The following UBE2E2 variants were observed in gnomAD, a reference collection of about 807,000 sequenced individuals.
UBE2E2 encodes the protein ubiquitin conjugating enzyme E2 E2.
UBE2E2 carries 6 observed loss-of-function variants against 24.7 expected under a neutral mutation model. That is an observed-to-expected ratio of 0.24 (90% CI 0.13 to 0.48). The LOEUF (loss-of-function observed/expected upper bound fraction) is 0.48, where lower values mean the gene tolerates loss of function less well. UBE2E2 is among the 20% of genes least tolerant of loss of function. The pLI, the probability that UBE2E2 is intolerant of heterozygous loss-of-function variation, is 0.99. For synonymous variants in UBE2E2, 104 were observed against 83.6 expected (o/e 1.24, Z -1.33); for missense variants, 169 against 245.0 (o/e 0.69, Z 2.07).
At chr3:23,326,064 T>G (rs1694882800) in intron 3 of UBE2E2, among the ~76,000 whole-genome samples, 1 of 152,184 alleles carries the variant, frequency 6.6e-6, no homozygotes. Flanking sequence ...TGCTTTGTAA[T>G]CTTTTATTTT....
chr3:23,302,299 C>T (rs1442221498), intron 3 of UBE2E2, among the ~76,000 whole-genome samples: 1 of 152,210 alleles, frequency 6.6e-6, no homozygotes, highest in Admixed American at 6.5e-5. Context: ...TAATATTTCC[C>T]TTACCCTATC....
intron 2 of UBE2E2, among the ~76,000 whole-genome samples, chr3:23,210,408 C>CT (rs1241489974): frequency 6.6e-6 from 1 of 152,206 alleles, no homozygotes; most frequent in Non-Finnish European, 1.5e-5. Flanking sequence ...GCCTTTTCCT[C>CT]TAACTGGGAG....
intron 2 of UBE2E2, among the ~76,000 whole-genome samples, chr3:23,216,580 A>G (rs1265218675): frequency 2.6e-5 from 4 of 152,136 alleles, no homozygotes; most frequent in African/African-American, 9.7e-5. Flanking sequence ...GTCTTAGAAA[A>G]CAGTGGCGCA....
At chr3:23,535,611 G>A (rs1417661814) in intron 5 of UBE2E2, among the ~76,000 whole-genome samples, 2 of 143,768 alleles carry the variant, frequency 1.4e-5, no homozygotes, top group East Asian at 4.3e-4. Flanking sequence ...GAGCCTGATA[G>A]AGCATTCTTT....
At chr3:23,565,762 C>A (rs1225950440) in intron 5 of UBE2E2, among the ~76,000 whole-genome samples, 2 of 152,164 alleles carry the variant, frequency 1.3e-5, no homozygotes, top group Non-Finnish European at 2.9e-5. Context: ...GGGCAAGATG[C>A]TTCTGCCTAA....
intron 3 of UBE2E2, among the ~76,000 whole-genome samples, chr3:23,266,064 G>T (rs1249983856): frequency 6.6e-6 from 1 of 152,178 alleles, no homozygotes; most frequent in Non-Finnish European, 1.5e-5. Context: ...TGGGTTCCCT[G>T]AATACAGCAC....
intron 2 of UBE2E2, among the ~76,000 whole-genome samples, chr3:23,211,222 A>T (rs1033970595): frequency 2.6e-5 from 4 of 152,138 alleles, no homozygotes; most frequent in East Asian, 3.9e-4. Flanking sequence ...TAAAAGTTAG[A>T]GGTAGTTTCA....
At chr3:23,392,758 C>T (rs779505291) in intron 3 of UBE2E2, among the ~76,000 whole-genome samples, 2 of 151,992 alleles carry the variant, frequency 1.3e-5, no homozygotes, top group Non-Finnish European at 2.9e-5. Context: ...AAAAACTGCA[C>T]GTTAAGAGGT....
Position 23,518,406 on chromosome 3 carries a change from A to G in UBE2E2, c.361-14148A>G, listed in dbSNP as rs75323920. 7.6e-3 allele frequency among the ~76,000 whole-genome samples: 1,165 copies of G among 152,338 alleles called. 11 individuals are homozygous for G. Among genetic ancestry groups the G allele is most frequent in the African/African-American group, 0.02 (851 of 41,578 alleles). ...AATTTAAGATATTCCTCATAATACT[A>G]CATATTCCTTCAGTAAGACTAAAAA... On this transcript the variant is annotated intron_variant, in intron 4 of 5. Transcript: ENST00000396703.
chr3:23,363,792 G>A (rs1382511934), intron 3 of UBE2E2, among the ~76,000 whole-genome samples: 5 of 151,818 alleles, frequency 3.3e-5, no homozygotes, highest in Non-Finnish European at 5.9e-5. Flanking sequence ...TTGACCAAAC[G>A]GGCCTAGTAG....
intron 3 of UBE2E2, among the ~76,000 whole-genome samples, chr3:23,218,624 GATAA>G (rs1396851665): frequency 4.6e-5 from 7 of 151,870 alleles, no homozygotes; most frequent in Admixed American, 3.3e-4. Context: ...CAATTGAACT[GATAA>G]ATAAGTGAAC....
chr3:23,323,491 C>G, intron 3 of UBE2E2: 1 of 436,472 alleles, frequency 2.3e-6, no homozygotes, highest in Non-Finnish European at 4.6e-6. Context: ...ATTCAAAACA[C>G]TTTGTAATTC....
intron 5 of UBE2E2, among the ~76,000 whole-genome samples, chr3:23,581,009 G>A (rs1252028766): frequency 6.6e-6 from 1 of 152,104 alleles, no homozygotes; most frequent in Non-Finnish European, 1.5e-5. Context: ...TTTTGCATAT[G>A]GCAAAGGGCT....
chr3:23,542,659 T>C (rs1559416397), intron 5 of UBE2E2, among the ~76,000 whole-genome samples: 1 of 152,222 alleles, frequency 6.6e-6, no homozygotes, highest in Non-Finnish European at 1.5e-5. Flanking sequence ...AATTGATGTA[T>C]CTTTATTATT....
intron 3 of UBE2E2, among the ~76,000 whole-genome samples, chr3:23,351,107 C>T (rs1396239501): frequency 6.6e-6 from 1 of 152,202 alleles, no homozygotes; most frequent in Non-Finnish European, 1.5e-5. Context: ...AATGAATTTT[C>T]AGCCCATAAT....
At chr3:23,330,067 T>A (rs1695018400) in intron 3 of UBE2E2, among the ~76,000 whole-genome samples, 1 of 152,208 alleles carries the variant, frequency 6.6e-6, no homozygotes, top group African/African-American at 2.4e-5. Flanking sequence ...TTTAGTACAG[T>A]AGGCATGGGA....
At chr3:23,480,374 G>C (rs554878991) in intron 3 of UBE2E2, among the ~76,000 whole-genome samples, 1 of 152,316 alleles carries the variant, frequency 6.6e-6, no homozygotes, top group South Asian at 2.1e-4. Context: ...TGGGGGCAGG[G>C]AGCTTCCTAG....
chr3:23,263,923 A>G (rs1252903932), intron 3 of UBE2E2, among the ~76,000 whole-genome samples: 1 of 152,198 alleles, frequency 6.6e-6, no homozygotes, highest in Admixed American at 6.5e-5. Context: ...AACAAGTTCT[A>G]GATTAGACAA....
intron 3 of UBE2E2, among the ~76,000 whole-genome samples, chr3:23,433,271 G>C (rs1354533743): frequency 6.6e-6 from 1 of 151,456 alleles, no homozygotes; most frequent in African/African-American, 2.4e-5. Context: ...TAAAGAATTA[G>C]AATAACTTCA....
Sources: allele counts gnomAD v4.1 joint callset (sites outside exome capture counted in the v4.1 genomes callset), GRCh38; gene constraint gnomAD v4.1.1; transcripts MANE v1.5; gene names NCBI Gene and HGNC (gene_info 2026-07-23, HGNC 2026-07-21).